The following PKD1L3 variants were observed in gnomAD, a reference collection of about 807,000 sequenced individuals.
The protein encoded by PKD1L3 is polycystin-1-like protein 3.
In PKD1L3, 239 loss-of-function variants were observed where a neutral mutation model predicts 184.1. That is an observed-to-expected ratio of 1.30 (90% confidence interval 1.17 to 1.45). The LOEUF is 1.45. Among genes scored for constraint, PKD1L3 ranks in the 40% most tolerant of loss-of-function variants. The pLI is 0.00. For missense variants in PKD1L3, 2,660 were observed against 2,067.2 expected (o/e 1.29, Z -5.56); for synonymous variants, 996 against 778.8 (o/e 1.28, Z -4.64).
At chr16:71,993,146 G>C in intron 3 of PKD1L3, 70 bp downstream of exon 3, 2 of 1,105,442 alleles carry the variant, frequency 1.8e-6, no homozygotes, top group East Asian at 2.6e-5. Flanking sequence ...CATTAATTCA[G>C]TCTTGTGCAT....
In PKD1L3 at chr16:71,970,096, G is replaced by A. The variant is rs969494265; in HGVS notation, c.1963C>T (p.Gln655Ter). The change falls in exon 13 of 30, where the codon CAG becomes TAG. Residue 655 changes from glutamine to a stop codon, truncating the protein, a stop_gained. Coordinates refer to ENST00000620267, the MANE Select transcript of PKD1L3 (RefSeq NM_181536.2). LOFTEE classifies it high-confidence loss of function. ...CACTGTGTCCTCAGAATTGTGCTCT[G>A]TGGCCCAACCTGGAATTAGAATCAA... Reference protein sequence around the residue: ...WSSAGCQVGPQSTILRTQCLC... With the variant: ...WSSAGCQVGP The A allele has an allele frequency of 5.2e-6, 8 of 1,551,492 alleles. No homozygotes were observed. The highest frequency in any genetic ancestry group is 2.0e-5 in the Admixed American group (1 of 50,980).
Position 71,964,542 on chromosome 16 carries a change from TTA to T in PKD1L3, c.2466-1193_2466-1192del, listed in dbSNP as rs1360147918. ...TTAGTAGAGATGGGGTTTCACTGTGTTATAGCCAGGATGGTCTCGATCTCCTG... is the reference window on the plus strand; with the variant it reads ...TTAGTAGAGATGGGGTTTCACTGTGTTAGCCAGGATGGTCTCGATCTCCTG... On this transcript the variant is annotated intron_variant, in intron 15 of 29. Coordinates refer to ENST00000620267, the MANE Select transcript of PKD1L3 (RefSeq NM_181536.2). Among the ~76,000 whole-genome samples, 56 of 151,622 alleles carry T rather than the reference TTA, an allele frequency of 3.7e-4. 1 individual carries two copies. Among genetic ancestry groups the T allele is most frequent in the South Asian group, 1.7e-3 (8 of 4,808 alleles).
Position 71,929,691 on chromosome 16 carries a change from G to C in PKD1L3, c.5059-13C>G, listed in dbSNP as rs1359928651. 1 of 1,518,376 alleles carries C rather than the reference G, an allele frequency of 6.6e-7. No individual in the cohort carries two copies. The highest frequency in any genetic ancestry group is 1.4e-5 in the African/African-American group (1 of 71,292). 94.1% of individuals were successfully genotyped at this position (1,518,376 alleles called of 1,614,324 possible). On this transcript the variant is annotated splice_polypyrimidine_tract_variant and intron_variant, in intron 29 of 29. Transcript: ENST00000620267. ...GTGCAGCTTCTTTCTGAGTATTGAA[G>C]ACAAAAAGAGAAAAGTGAGAAAATT...
Position 71,990,303 on chromosome 16 carries a change from G to C in PKD1L3, c.562C>G (p.His188Asp). The change falls in exon 4 of 30, where the codon CAC becomes GAC. Residue 188 changes from histidine (H) to aspartate (D), a missense_variant. Physicochemically the swap from His to Asp is moderately conservative, Grantham distance 81. Transcript: ENST00000620267. ...PGPGHLPTTC[H>D]YPLPAHLSKT... is the part of the protein sequence containing the mutation. Reference sequence around the variant, plus strand: ...ACAAGATGAGCAGGAAGAGGATAGTGACATGTGGTTGGAAGATGACCAGGT... The same window carrying C: ...ACAAGATGAGCAGGAAGAGGATAGTCACATGTGGTTGGAAGATGACCAGGT... 27 of 1,548,740 alleles carry C rather than the reference G, an allele frequency of 1.7e-5. No homozygotes were observed. Among genetic ancestry groups the C allele is most frequent in the Non-Finnish European group, 2.4e-5 (27 of 1,144,688 alleles).
chr16:71,949,121 G>A (rs2038731234), intron 21 of PKD1L3, among the ~76,000 whole-genome samples: 1 of 152,076 alleles, frequency 6.6e-6, no homozygotes, highest in African/African-American at 2.4e-5. Context: ...TGGGTGGTAC[G>A]ACTTTAGAAT....
chr16:71,976,400 T>C (rs2039927103), intron 11 of PKD1L3, among the ~76,000 whole-genome samples: 1 of 149,986 alleles, frequency 6.7e-6, no homozygotes, highest in African/African-American at 2.5e-5. Flanking sequence ...GGATTACAGG[T>C]GCCCGCCACC....
chr16:71,967,315 C>T lies in PKD1L3; in HGVS notation c.2287G>A (p.Val763Ile), dbSNP rs1489198286. The change falls in exon 15 of 30, where the codon GTT becomes ATT. Residue 763 changes from valine to isoleucine, a missense_variant and splice_region_variant. By Grantham distance (29) the Val-to-Ile change is conservative. Transcript: ENST00000620267. The stretch of plus-strand genomic sequence containing the variant: ...TCTGATCCATAGAGGGTGATGACAA[C>T]CTACAATGAGACAGGGAAAGATAAA... ...YRRSAATTAK[V>I]VITLYGSEGR... 6.5e-6 allele frequency: 10 copies of T among 1,548,276 alleles called. No individual in the cohort carries two copies. The Admixed American group carries it at 9.9e-5, about 15-fold the overall frequency.
intron 22 of PKD1L3, among the ~76,000 whole-genome samples, 191 bp from the exon 23 acceptor site, chr16:71,944,361 T>C (rs1392478011): frequency 6.6e-6 from 1 of 152,184 alleles, no homozygotes; most frequent in African/African-American, 2.4e-5. Flanking sequence ...AATTGGGGAC[T>C]GATACTTTTG....
At chr16:71,976,695 G>A (rs1488325545) in intron 11 of PKD1L3, among the ~76,000 whole-genome samples, 1 of 152,220 alleles carries the variant, frequency 6.6e-6, no homozygotes, top group Non-Finnish European at 1.5e-5. Flanking sequence ...GAGACAGGAA[G>A]ATTGCTTGAA....
At chr16:71,997,456 A>G (rs1038501538) in intron 2 of PKD1L3, among the ~76,000 whole-genome samples, 2 of 151,482 alleles carry the variant, frequency 1.3e-5, no homozygotes, top group Non-Finnish European at 2.9e-5. Context: ...CTCCACATAA[A>G]AAAATAAATA....
intron 25 of PKD1L3, 38 bp downstream of exon 25, chr16:71,937,254 C>A (rs2038211859): frequency 6.5e-7 from 1 of 1,538,370 alleles, no homozygotes; most frequent in Non-Finnish European, 8.8e-7. Context: ...GAGGTTTTGC[C>A]ATGTTGCCCA....
intron 7 of PKD1L3, 53 bp from the exon 8 acceptor site, chr16:71,980,187 T>G (rs1223116835): frequency 1.3e-6 from 2 of 1,523,672 alleles, no homozygotes; most frequent in African/African-American, 1.4e-5. Flanking sequence ...TGTCTTATGT[T>G]AGTAAAATAA....
At position 71,977,208 on chromosome 16, in the gene PKD1L3, A is replaced by G. The variant is rs1240730777; in HGVS notation, c.1759+28T>C. On this transcript the variant is annotated intron_variant, in intron 11 of 29. Transcript: ENST00000620267. ...ATCCTAGGCAAAAAGAAATCAAAGT[A>G]AGTTTCTGACAGCTGATTGGGTTTT... The G allele has an allele frequency of 2.8e-6, 4 of 1,453,298 alleles. No homozygotes were observed. In the East Asian group the frequency reaches 9.9e-5, roughly 36 times the overall value. The allele number at this position is 1,453,298 out of a possible 1,614,324, so 90.0% of individuals were successfully genotyped here. A position where few individuals can be genotyped will look rare whatever the true frequency, so the allele number is the denominator to read the frequency against.
At chr16:71,953,421 G>A (rs549451157) in intron 17 of PKD1L3, among the ~76,000 whole-genome samples, 76 of 152,310 alleles carry the variant, frequency 5.0e-4, no homozygotes, top group African/African-American at 1.7e-3. Context: ...GGCTGGGGAG[G>A]CCTCAGGAAA....
Position 71,952,998 on chromosome 16 carries a change from G to A in PKD1L3, c.2905C>T (p.Pro969Ser), listed in dbSNP as rs1317131946. 1.3e-6 allele frequency: 2 copies of A among 1,549,346 alleles called. No homozygotes were observed. Among genetic ancestry groups the A allele is most frequent in the Middle Eastern group, 3.3e-4 (2 of 5,988 alleles). ...PINLVIGRLF[P>S]LIEPQETLPL... Reference sequence around the variant, plus strand: ...AGAGTCTCCTGTGGCTCAATCAACGGGAAGAGCCGCCCTATGACAAGATTG... The same window carrying A: ...AGAGTCTCCTGTGGCTCAATCAACGAGAAGAGCCGCCCTATGACAAGATTG... Residue 969 changes from proline (P) to serine (S), a missense_variant, in exon 18 of 30, where the codon CCG (proline) becomes TCG (serine). Physicochemically the swap from Pro to Ser is moderately conservative, Grantham distance 74. Transcript: ENST00000620267.
rs1319926037 is a variant in PKD1L3 at position 71,982,045 on chromosome 16, T to C, written c.1143+14A>G. 4 of 1,533,616 alleles carry C rather than the reference T, an allele frequency of 2.6e-6. No homozygotes were observed. Among genetic ancestry groups the C allele is most frequent in the South Asian group, 2.5e-5 (2 of 80,796 alleles). ...TTCTAAGCAGATCTGGCCACCTGCA[T>C]ATCTGGCACCTACCGGCTCAGTATG... is the stretch of plus-strand genomic sequence containing the variant. On this transcript the variant is annotated intron_variant, in intron 7 of 29. Transcript: ENST00000620267.
chr16:71,933,968 C>T lies in PKD1L3; in HGVS notation c.4771G>A (p.Val1591Met). Residue 1591 changes from valine (V) to methionine (M), a missense_variant, in exon 27 of 30, where the codon GTG becomes ATG. Transcript: ENST00000620267. ...AGGATGATCAGCAGAAAGCCCACCA[C>T]CTCGTCCCAGGCTCGGCTCAGTGTC... ...SRTLSRAWDE[V>M]VGFLLIILIL... 2 of 1,551,650 alleles carry T rather than the reference C, an allele frequency of 1.3e-6. No individual in the cohort carries two copies. Among genetic ancestry groups the T allele is most frequent in the Non-Finnish European group, 1.7e-6 (2 of 1,147,010 alleles).
Position 71,942,526 on chromosome 16 carries a change from C to T in PKD1L3, c.4324+34G>A, listed in dbSNP as rs192266774. 20 of 1,500,016 alleles carry T rather than the reference C, an allele frequency of 1.3e-5. No homozygotes were observed. In the Admixed American group the frequency reaches 1.8e-4, roughly 14 times the overall value. 92.9% of individuals were successfully genotyped at this position (1,500,016 alleles called of 1,614,324 possible). A position where few individuals can be genotyped will look rare whatever the true frequency, so the allele number is the denominator to read the frequency against. ...ACTTATTGAACAGCCTTCTTTGCTA[C>T]GTGTGGTTGAATTCCAGGGGTCACT... On this transcript the variant is annotated intron_variant, in intron 24 of 29. Transcript: ENST00000620267.
chr16:71,986,492 G>C, intron 4 of PKD1L3, 23 bp from the exon 5 acceptor site: 1 of 1,538,228 alleles, frequency 6.5e-7, no homozygotes, highest in South Asian at 1.2e-5. Context: ...AATATGTAAA[G>C]GAAAAGACTG....
Sources: gnomAD v4.1 joint callset for allele counts (sites outside exome capture counted in the v4.1 genomes callset) on GRCh38, gnomAD v4.1.1 for gene constraint, MANE v1.5 for transcripts, NCBI Gene and HGNC (gene_info 2026-07-23, HGNC 2026-07-21) for gene names.